Variants in ENPP6 observed in about 807,000 individuals in gnomAD.
ENPP6 encodes the protein glycerophosphocholine cholinephosphodiesterase ENPP6.
Under a neutral mutation model 42.0 loss-of-function variants are expected in ENPP6, and 32 were observed. The observed-to-expected ratio is 0.76, with a 90% CI of 0.58 to 1.02. The LOEUF (loss-of-function observed/expected upper bound fraction) is 1.02. ENPP6 is among the 50% of genes least tolerant of loss of function. The pLI is 0.00. For synonymous variants in ENPP6, 213 were observed against 216.0 expected (o/e 0.99, Z 0.12); for missense variants, 552 against 566.8 (o/e 0.97, Z 0.27).
At chr4:184,127,552 G>T (rs1248422078) in intron 2 of ENPP6, among the ~76,000 whole-genome samples, 1 of 152,230 alleles carries the variant, frequency 6.6e-6, no homozygotes, top group Non-Finnish European at 1.5e-5. Context: ...GAGGTCAGGA[G>T]CTTGAGACTG....
intron 2 of ENPP6, among the ~76,000 whole-genome samples, chr4:184,146,837 CT>C (rs1165243278): frequency 2.0e-5 from 3 of 152,210 alleles, no homozygotes; most frequent in African/African-American, 7.2e-5. Context: ...CTTCTGAAGC[CT>C]CTCCTCCTTG....
chr4:184,216,291 CTG>C (rs1733194573), intron 1 of ENPP6, among the ~76,000 whole-genome samples: 1 of 152,198 alleles, frequency 6.6e-6, no homozygotes, highest in African/African-American at 2.4e-5. Flanking sequence ...ATCTTAGAGA[CTG>C]TTTTTTTGTC....
intron 1 of ENPP6, chr4:184,203,929 C>G (rs1002308724): frequency 6.6e-6 from 1 of 152,196 alleles, no homozygotes; most frequent in African/African-American, 2.4e-5. Context: ...GCTGTCAGGA[C>G]AAAGTAACAC....
chr4:184,172,632 A>G (rs540091884), intron 1 of ENPP6, among the ~76,000 whole-genome samples: 4 of 152,230 alleles, frequency 2.6e-5, no homozygotes, highest in Non-Finnish European at 5.9e-5. Context: ...CTGGGTTCCA[A>G]TTTGTAATGA....
At chr4:184,203,152 G>A (rs4862340) in intron 1 of ENPP6, among the ~76,000 whole-genome samples, 45,501 of 152,038 alleles carry the variant, frequency 0.3, 8,625 homozygotes, top group Non-Finnish European at 0.4. Context: ...TCAGGAGGCT[G>A]AGGCAGGAGA....
chr4:184,121,146 T>C (rs1288525372), intron 3 of ENPP6, among the ~76,000 whole-genome samples: 2 of 152,246 alleles, frequency 1.3e-5, no homozygotes, highest in African/African-American at 4.8e-5. Flanking sequence ...ATTGACACAA[T>C]ACTAGCCAAT....
intron 1 of ENPP6, among the ~76,000 whole-genome samples, chr4:184,181,118 C>A (rs532947312): frequency 1.3e-5 from 2 of 152,292 alleles, no homozygotes; most frequent in African/African-American, 4.8e-5. Flanking sequence ...ACCCCATCAT[C>A]TGAGCCCCAA....
At chr4:184,208,285 C>T (rs1459055955) in intron 1 of ENPP6, among the ~76,000 whole-genome samples, 1 of 152,124 alleles carries the variant, frequency 6.6e-6, no homozygotes, top group Non-Finnish European at 1.5e-5. Context: ...CCAGCGTGAG[C>T]GATGCAGAAG....
chr4:184,214,674 C>T (rs1029079269), intron 1 of ENPP6, among the ~76,000 whole-genome samples: 2 of 152,186 alleles, frequency 1.3e-5, no homozygotes, highest in Non-Finnish European at 2.9e-5. Flanking sequence ...TGTTCATGTC[C>T]TTTGCAGAGA....
At chr4:184,093,198 C>T (rs1388796193) in intron 7 of ENPP6, among the ~76,000 whole-genome samples, 2 of 152,124 alleles carry the variant, frequency 1.3e-5, no homozygotes, top group Non-Finnish European at 2.9e-5. Flanking sequence ...AGTAAATGGT[C>T]ACTACTATTA....
Position 184,117,858 on chromosome 4 carries a change from A to T in ENPP6, c.576T>A (p.Ile192=), listed in dbSNP as rs1191908965. 1 of 1,614,180 alleles carries T rather than the reference A, an allele frequency of 6.2e-7. No homozygotes were observed. Among genetic ancestry groups the T allele is most frequent in the Non-Finnish European group, 8.5e-7 (1 of 1,180,022 alleles). The change falls in exon 4 of 8, where the codon ATT becomes ATA. Residue 192 remains isoleucine (I), a synonymous_variant. Coordinates refer to ENST00000296741, the MANE Select transcript of ENPP6 (RefSeq NM_153343.4). ...ADLAAIYHER[I]DVEGHHYGPA... ...GCCCGTAGTGGTGGCCTTCCACGTC[A>T]ATGCGCTCATGGTATATGGCTGCCA...
At chr4:184,103,685 C>T (rs1736042135) in intron 6 of ENPP6, among the ~76,000 whole-genome samples, 1 of 152,220 alleles carries the variant, frequency 6.6e-6, no homozygotes, top group Non-Finnish European at 1.5e-5. Flanking sequence ...TTTAAATTGT[C>T]CTGCAAAGAG....
At chr4:184,181,499 A>G (rs969169694) in intron 1 of ENPP6, among the ~76,000 whole-genome samples, 2 of 152,200 alleles carry the variant, frequency 1.3e-5, no homozygotes, top group African/African-American at 4.8e-5. Context: ...TCACAGAATT[A>G]GAAAAAAACT....
chr4:184,147,411 T>C (rs892262369), intron 2 of ENPP6, among the ~76,000 whole-genome samples: 3 of 152,044 alleles, frequency 2.0e-5, no homozygotes, highest in African/African-American at 7.2e-5. Context: ...GGAGTAGTGC[T>C]TTCAAAATGC....
chr4:184,111,620 G>A (rs1231140042), intron 6 of ENPP6, among the ~76,000 whole-genome samples: 4 of 152,238 alleles, frequency 2.6e-5, no homozygotes, highest in East Asian at 1.9e-4. Flanking sequence ...GAAGGACCTC[G>A]CTGGTCTCTG....
At chr4:184,185,155 A>G (rs1222499158) in intron 1 of ENPP6, among the ~76,000 whole-genome samples, 1 of 152,212 alleles carries the variant, frequency 6.6e-6, no homozygotes, top group Non-Finnish European at 1.5e-5. Context: ...TTGAGAACAC[A>G]GAACATCCCT....
chr4:184,094,935 G>A (rs182926266), intron 7 of ENPP6, among the ~76,000 whole-genome samples: 4 of 152,352 alleles, frequency 2.6e-5, no homozygotes, highest in African/African-American at 7.2e-5. Context: ...CTGGGCAGCC[G>A]CAATGATGCC....
At chr4:184,174,161 G>A (rs1456586083) in intron 1 of ENPP6, among the ~76,000 whole-genome samples, 3 of 147,844 alleles carry the variant, frequency 2.0e-5, no homozygotes, top group South Asian at 2.2e-4. Flanking sequence ...TTTCCGAGAC[G>A]GAATCTCACT....
intron 1 of ENPP6, among the ~76,000 whole-genome samples, chr4:184,213,410 C>T (rs1482167924): frequency 6.6e-6 from 1 of 151,980 alleles, no homozygotes; most frequent in Admixed American, 6.6e-5. Flanking sequence ...ACAAACAACC[C>T]CATCAAAAAG....
Sources: allele counts gnomAD v4.1 joint callset (sites outside exome capture counted in the v4.1 genomes callset), GRCh38; gene constraint gnomAD v4.1.1; transcripts MANE v1.5; gene names NCBI Gene and HGNC (gene_info 2026-07-23, HGNC 2026-07-21).